Variants in HGS observed in about 807,000 individuals in gnomAD.
HGS encodes the protein hepatocyte growth factor-regulated tyrosine kinase substrate, also known as human growth factor-regulated tyrosine kinase substrate.
Under a neutral mutation model 109.7 loss-of-function variants are expected in HGS, and 63 were observed. The observed-to-expected ratio is 0.57, with a 90% CI of 0.47 to 0.71. The LOEUF (loss-of-function observed/expected upper bound fraction) is 0.71, where lower values mean the gene tolerates loss of function less well. Among genes scored for constraint, HGS ranks in the 30% least tolerant of loss-of-function variants. HGS has a pLI of 0.00. For missense variants in HGS, 995 were observed against 1,068.3 expected (o/e 0.93, Z 0.96); for synonymous variants, 546 against 437.3 (o/e 1.25, Z -3.10).
Position 81,686,406 on chromosome 17 carries a change from C to T in HGS, c.198+19C>T, listed in dbSNP as rs957409450. The T allele has an allele frequency of 1.2e-6, 2 of 1,602,278 alleles. No homozygotes were observed. The highest frequency in any genetic ancestry group is 1.3e-5 in the African/African-American group (1 of 74,800). On this transcript the variant is annotated intron_variant, in intron 3 of 21. Coordinates refer to ENST00000329138, the MANE Select transcript of HGS (RefSeq NM_004712.5). ...CCTGGAGGTAAGCAGACCCCCGTGC[C>T]TCAGTGGCCCCCAGGGTCCCTACCC...
rs530878503 is a variant in HGS at position 81,696,132 on chromosome 17, G to A, written c.1393+133G>A. 48 of 932,038 alleles carry A rather than the reference G, an allele frequency of 5.1e-5. No individual in the cohort carries two copies. The African/African-American group carries it at 6.8e-4, about 13-fold the overall frequency. The allele number at this position is 932,038 out of a possible 1,614,324, so 57.7% of individuals were successfully genotyped here. A position where few individuals can be genotyped will look rare whatever the true frequency, so the allele number is the denominator to read the frequency against. The stretch of plus-strand genomic sequence containing the variant: ...TTGGGGCCGTGGCTTCCTCCAGAGA[G>A]TGTCAACAGGAGGTGGTCTCAGTGA... On this transcript the variant is annotated intron_variant, in intron 15 of 21. Coordinates refer to ENST00000329138, the MANE Select transcript of HGS (RefSeq NM_004712.5).
chr17:81,691,333 G>A lies in HGS; in HGVS notation c.538-114G>A, dbSNP rs2037061093. On this transcript the variant is annotated intron_variant, in intron 7 of 21. Coordinates refer to ENST00000329138, the MANE Select transcript of HGS (RefSeq NM_004712.5). This position sits in a 1 kb window ranked among gnomAD's most constrained non-coding sequence, Gnocchi z 5.3. ...CAGGCACTTGTTCTGCTTGTCCCTT[G>A]CCTTCCCCCACCTGTGAGGCCCAGC... 7.5e-7 allele frequency: 1 copy of A among 1,327,480 alleles called. No individual in the cohort carries two copies. Among genetic ancestry groups the A allele is most frequent in the Non-Finnish European group, 1.1e-6 (1 of 946,380 alleles). The allele number at this position is 1,327,480 out of a possible 1,614,324, so 82.2% of individuals were successfully genotyped here. A position where few individuals can be genotyped will look rare whatever the true frequency, so the allele number is the denominator to read the frequency against.
At chr17:81,686,887 C>T in intron 3 of HGS, 116 bp from the exon 4 acceptor site, 2 of 780,844 alleles carry the variant, frequency 2.6e-6, no homozygotes, top group Non-Finnish European at 4.2e-6. Context: ...CCCCACCGGC[C>T]ACTGACGGGC....
At chr17:81,698,927 C>T (rs1166357132) in intron 18 of HGS, among the ~76,000 whole-genome samples, 4 of 151,978 alleles carry the variant, frequency 2.6e-5, no homozygotes, top group African/African-American at 4.8e-5. Flanking sequence ...ATTAGCCAGG[C>T]GTGATGGTGC....
Position 81,701,704 on chromosome 17 carries a change from G to T in HGS, c.*86G>T. Reference sequence around the variant, plus strand: ...CTAACTGCCGTCGTCCTGCCTCCCTGTCCTCTACTGCCGGTAGTGTCCCTT... The same window carrying T: ...CTAACTGCCGTCGTCCTGCCTCCCTTTCCTCTACTGCCGGTAGTGTCCCTT... On this transcript the variant is annotated 3_prime_UTR_variant, in exon 22 of 22. Coordinates refer to ENST00000329138, the MANE Select transcript of HGS (RefSeq NM_004712.5). 6.7e-7 allele frequency: 1 copy of T among 1,486,020 alleles called. No individual in the cohort carries two copies. Among genetic ancestry groups the T allele is most frequent in the South Asian group, 1.3e-5 (1 of 77,798 alleles). The allele number at this position is 1,486,020 out of a possible 1,614,324, so 92.1% of individuals were successfully genotyped here.
rs769079012 is a variant in HGS, at chr17:81,695,212, C to T, written c.1168C>T (p.Pro390Ser). 1.9e-6 allele frequency: 3 copies of T among 1,614,182 alleles called. No individual in the cohort carries two copies. The highest frequency in any genetic ancestry group is 1.7e-6 in the Non-Finnish European group (2 of 1,179,996). Residue 390 changes from proline to serine, a missense_variant, in exon 14 of 22, where the codon CCC (proline) becomes TCC (serine). Pro to Ser is a moderately conservative substitution (Grantham distance 74). Around this residue, in one of 6 missense-constraint regions of HGS, gnomAD observed 300 missense variants for 235.4 expected, o/e 1.27. Transcript: ENST00000329138. The part of the protein sequence containing the change: ...DSQPIPPSGG[P>S]FSEPQFHNGE... ...TCAGCCCATTCCTCCCTCTGGTGGC[C>T]CCTTTAGTGAGGTAAGCTGTGGCTC...
At chr17:81,699,890 C>T (rs545463781) in intron 18 of HGS, among the ~76,000 whole-genome samples, 2 of 148,878 alleles carry the variant, frequency 1.3e-5, no homozygotes, top group South Asian at 4.3e-4. Context: ...GCCTGACCAA[C>T]ATGGTGAAAC....
At chr17:81,685,151 A>G (rs1263329706) in intron 1 of HGS, 2 of 795,048 alleles carry the variant, frequency 2.5e-6, no homozygotes, top group Non-Finnish European at 3.0e-6. Context: ...CCTGGAGTCT[A>G]CACTGCAGGC....
chr17:81,685,263 G>A (rs979196316), intron 1 of HGS, among the ~76,000 whole-genome samples: 2 of 152,182 alleles, frequency 1.3e-5, no homozygotes, highest in African/African-American at 4.8e-5. Context: ...TTGAGAAGCA[G>A]CCGAGCCTGA....
At chr17:81,688,164 G>A (rs996167199) in intron 4 of HGS, among the ~76,000 whole-genome samples, 33 of 151,724 alleles carry the variant, frequency 2.2e-4, no homozygotes, top group African/African-American at 7.8e-4. Context: ...CACCGGGACG[G>A]CGTCCCCGAG....
In HGS at chr17:81,695,030, C is replaced by G; in HGVS notation, c.1082C>G (p.Pro361Arg). 1 of 1,614,008 alleles carries G rather than the reference C, an allele frequency of 6.2e-7. No individual in the cohort carries two copies. Among genetic ancestry groups the G allele is most frequent in the Non-Finnish European group, 8.5e-7 (1 of 1,179,962 alleles). The change falls in exon 13 of 22, where the codon CCT becomes CGT. Residue 361 changes from proline to arginine, a missense_variant. By Grantham distance (103) the Pro-to-Arg change is moderately radical. This residue lies in a region of HGS where 300 missense variants were observed against 235.4 expected (regional missense o/e 1.27). Coordinates refer to ENST00000329138, the MANE Select transcript of HGS (RefSeq NM_004712.5). ...PVPLTEPAAQ[P>R]GEGHAAPTNV... ...CCCCTGACGGAGCCGGCTGCACAGC[C>G]TGGGGAAGGGCACGCAGCCCCCACC...
At chr17:81,696,025 G>A (rs772908564) in intron 15 of HGS, 26 bp downstream of exon 15, 18 of 1,523,460 alleles carry the variant, frequency 1.2e-5, no homozygotes, top group South Asian at 8.9e-5. Flanking sequence ...ACGGGGCCTC[G>A]GCTCAGGGGC....
At chr17:81,694,092 A>G in intron 11 of HGS, 127 bp downstream of exon 11, 1 of 759,444 alleles carries the variant, frequency 1.3e-6, no homozygotes, top group Non-Finnish European at 2.1e-6. Flanking sequence ...CAGAGAGGAC[A>G]GCCCCAGCAC....
At chr17:81,685,896 G>A (rs755900388) in intron 2 of HGS, among the ~76,000 whole-genome samples, 8 of 152,148 alleles carry the variant, frequency 5.3e-5, no homozygotes, top group Non-Finnish European at 1.2e-4. Flanking sequence ...GGTTATGTTT[G>A]TATTTGCTTC....
chr17:81,693,023 A>G (rs1348664166), intron 8 of HGS: 3 of 153,034 alleles, frequency 2.0e-5, no homozygotes, highest in African/African-American at 7.3e-5. Context: ...ATAAAAAAAA[A>G]AGAAAAGAGC....
intron 6 of HGS, chr17:81,690,450 C>T (rs999263196): frequency 4.7e-5 from 30 of 633,142 alleles, no homozygotes; most frequent in Admixed American, 3.6e-4. Flanking sequence ...CTAGGGGGCT[C>T]GGGAAAGGAA....
chr17:81,698,733 G>A (rs944462169), intron 18 of HGS, among the ~76,000 whole-genome samples: 6 of 152,158 alleles, frequency 3.9e-5, no homozygotes, highest in African/African-American at 7.2e-5. Flanking sequence ...TTGTGGGTGC[G>A]TCTGTGTATG....
intron 4 of HGS, 102 bp from the exon 5 acceptor site, chr17:81,688,602 C>A: frequency 1.4e-6 from 2 of 1,445,386 alleles, no homozygotes; most frequent in Non-Finnish European, 1.9e-6. Context: ...CTGTGTCAGC[C>A]CCATCTGCTC....
Position 81,685,685 on chromosome 17 carries a change from A to G in HGS, c.118A>G (p.Thr40Ala). ...CTGCGACCTGATCCGCCAAGGGGAC[A>G]CACAGTGAGTTAGCGGGGCCTGTGC... ...QICDLIRQGDTQAKYAVNSIK... is the reference protein window; with the variant it reads ...QICDLIRQGDAQAKYAVNSIK... The change falls in exon 2 of 22, where the codon ACA (threonine) becomes GCA (alanine). Residue 40 changes from threonine to alanine, a missense_variant. Around this residue, in one of 6 missense-constraint regions of HGS, gnomAD observed 182 missense variants for 261.3 expected, o/e 0.70. Coordinates refer to ENST00000329138, the MANE Select transcript of HGS (RefSeq NM_004712.5). 2 of 1,611,732 alleles carry G rather than the reference A, an allele frequency of 1.2e-6. No individual in the cohort carries two copies. Among genetic ancestry groups the G allele is most frequent in the South Asian group, 1.1e-5 (1 of 90,708 alleles).
Sources: gnomAD v4.1 joint callset for allele counts (sites outside exome capture counted in the v4.1 genomes callset) on GRCh38, gnomAD v4.1.1 for gene constraint, gnomAD v4.1.1 regional missense constraint, Gnocchi (gnomAD v3.1) non-coding constraint, MANE v1.5 for transcripts, NCBI Gene and HGNC (gene_info 2026-07-23, HGNC 2026-07-21) for gene names.